The following ANGPTL5 variants were observed in gnomAD, a reference collection of about 807,000 sequenced individuals.
ANGPTL5 encodes the protein angiopoietin-related protein 5.
Under a neutral mutation model 39.4 loss-of-function variants are expected in ANGPTL5, and 34 were observed. The observed-to-expected ratio is 0.86, with a 90% CI of 0.66 to 1.15. The LOEUF (loss-of-function observed/expected upper bound fraction) is 1.15, where lower values mean the gene tolerates loss of function less well. Among genes scored for constraint, ANGPTL5 ranks in the 50% most tolerant of loss-of-function variants. The probability of loss-of-function intolerance (pLI) is 0.00; values close to 1 mark genes in which losing one functional copy is unlikely to be tolerated. For synonymous variants in ANGPTL5, 146 were observed against 152.1 expected (o/e 0.96, Z 0.29); for missense variants, 467 against 457.5 (o/e 1.02, Z -0.19).
At position 101,907,983 on chromosome 11, in the gene ANGPTL5, A is replaced by C; in HGVS notation, c.-74T>G. Reference sequence around the variant, plus strand: ...TTGTGGAAAGAACTACAGAGCATAGAGTCTTCAGTTAAAAACCTCTGGAAA... The same window carrying C: ...TTGTGGAAAGAACTACAGAGCATAGCGTCTTCAGTTAAAAACCTCTGGAAA... On this transcript the variant is annotated 5_prime_UTR_variant, in exon 2 of 9. Coordinates refer to ENST00000334289, the MANE Select transcript of ANGPTL5 (RefSeq NM_178127.5). 5 of 1,066,954 alleles carry C rather than the reference A, an allele frequency of 4.7e-6. No individual in the cohort carries two copies. In the South Asian group the frequency reaches 5.3e-5, roughly 11 times the overall value. The allele number at this position is 1,066,954 out of a possible 1,614,324, so 66.1% of individuals were successfully genotyped here. A position where few individuals can be genotyped will look rare whatever the true frequency, so the allele number is the denominator to read the frequency against.
At chr11:101,907,613 C>T (rs1940020903) in intron 2 of ANGPTL5, among the ~76,000 whole-genome samples, 1 of 151,966 alleles carries the variant, frequency 6.6e-6, no homozygotes, top group South Asian at 2.1e-4. Context: ...ATTTTCATAT[C>T]TGTTGAATCA....
intron 7 of ANGPTL5, among the ~76,000 whole-genome samples, chr11:101,896,953 C>A (rs575628719): frequency 1.7e-4 from 26 of 152,344 alleles, no homozygotes; most frequent in African/African-American, 5.8e-4. Flanking sequence ...AATGGTTGAA[C>A]TAATTTACAC....
At chr11:101,893,878 CTGTT>C (rs1301121017) in intron 8 of ANGPTL5, among the ~76,000 whole-genome samples, 9 of 152,282 alleles carry the variant, frequency 5.9e-5, no homozygotes, top group Non-Finnish European at 1.5e-5. Flanking sequence ...TTAAGCTGCT[CTGTT>C]TGTCAGCCTT....
intron 1 of ANGPTL5, chr11:101,915,066 A>G (rs1420448711): frequency 1.8e-6 from 1 of 562,276 alleles, no homozygotes; most frequent in Non-Finnish European, 3.0e-6. Context: ...CCCATCTGCT[A>G]TTGCCCGGCG....
chr11:101,892,813 T>G (rs1255696751), intron 8 of ANGPTL5, among the ~76,000 whole-genome samples: 1 of 152,216 alleles, frequency 6.6e-6, no homozygotes, highest in Non-Finnish European at 1.5e-5. Context: ...AAGTTTGGCA[T>G]CTCTTGAGAT....
chr11:101,903,716 A>G (rs1939948714), intron 5 of ANGPTL5, among the ~76,000 whole-genome samples: 1 of 152,116 alleles, frequency 6.6e-6, no homozygotes, highest in Non-Finnish European at 1.5e-5. Flanking sequence ...AGAGACATGA[A>G]AGAAGTTCAC....
At chr11:101,900,123 T>C (rs907227546) in intron 7 of ANGPTL5, among the ~76,000 whole-genome samples, 8 of 152,200 alleles carry the variant, frequency 5.3e-5, no homozygotes, top group African/African-American at 1.9e-4. Context: ...AGTTTTTCGT[T>C]CTGCAAACCG....
chr11:101,904,829 G>A lies in ANGPTL5; in HGVS notation c.424C>T (p.Pro142Ser), dbSNP rs774366365. ...RKQLDPFPHR[P>S]VQSHGLDCTD... is the part of the protein sequence containing the mutation. ...AAGTTCTCACCATGTGACTGAACAG[G>A]TCTGTGAGGAAAAGGATCCAGCTGT... The change falls in exon 5 of 9, where the codon CCT becomes TCT. Residue 142 changes from proline to serine, a missense_variant. By Grantham distance (74) the Pro-to-Ser change is moderately conservative. Transcript: ENST00000334289. The A allele has an allele frequency of 3.7e-6, 6 of 1,612,974 alleles. No individual in the cohort carries two copies. The South Asian group carries it at 5.5e-5, about 15-fold the overall frequency.
At chr11:101,901,330 C>A (rs541117359) in intron 6 of ANGPTL5, among the ~76,000 whole-genome samples, 1 of 151,936 alleles carries the variant, frequency 6.6e-6, no homozygotes, top group Admixed American at 6.5e-5. Context: ...GGTGTGTGTG[C>A]ACGGCTAAAT....
intron 8 of ANGPTL5, among the ~76,000 whole-genome samples, chr11:101,894,637 C>T (rs151087476): frequency 1.0e-3 from 159 of 152,276 alleles, no homozygotes; most frequent in African/African-American, 3.5e-3. Context: ...TCCAAAGAAT[C>T]AACTGAGATT....
At chr11:101,908,888 C>T (rs1940046230) in intron 1 of ANGPTL5, among the ~76,000 whole-genome samples, 2 of 151,598 alleles carry the variant, frequency 1.3e-5, no homozygotes, top group African/African-American at 4.9e-5. Flanking sequence ...TTCTGAACAT[C>T]AGAGAAATAA....
intron 5 of ANGPTL5, 46 bp downstream of exon 5, chr11:101,904,768 G>A: frequency 6.6e-7 from 1 of 1,516,036 alleles, no homozygotes; most frequent in Non-Finnish European, 9.2e-7. Flanking sequence ...AAAATTTTAA[G>A]CAATAAAAGA....
intron 1 of ANGPTL5, among the ~76,000 whole-genome samples, chr11:101,908,780 CA>C (rs59041644): frequency 0.081 from 5,260 of 64,980 alleles, 228 homozygotes; most frequent in African/African-American, 0.21. Flanking sequence ...GACTCCATCT[CA>C]AAAAAAAAAA....
chr11:101,900,851 T>C (rs1939881997), intron 6 of ANGPTL5, among the ~76,000 whole-genome samples: 1 of 151,968 alleles, frequency 6.6e-6, no homozygotes, highest in African/African-American at 2.4e-5. Flanking sequence ...TGCAGCTTTT[T>C]TTTCCCCCCT....
chr11:101,910,423 AAATATATATAT>A (rs1041379352), intron 1 of ANGPTL5, among the ~76,000 whole-genome samples: 2 of 137,000 alleles, frequency 1.5e-5, no homozygotes, highest in African/African-American at 5.5e-5. Context: ...AAAAAAAAAA[AAATATATATAT>A]ATATATATAT....
rs55980962 is a variant in ANGPTL5 at position 101,896,156 on chromosome 11, ATATTTATTTATTTATT to A, written c.662-1108_662-1093del. 2.5e-3 allele frequency among the ~76,000 whole-genome samples: 349 copies of A among 139,692 alleles called. 1 individual carries two copies. The highest frequency in any genetic ancestry group is 6.5e-3 in the African/African-American group (243 of 37,314). The allele number at this position is 139,692 out of a possible 152,430, so 91.6% of individuals were successfully genotyped here. On this transcript the variant is annotated intron_variant, in intron 7 of 8. Coordinates refer to ENST00000334289, the MANE Select transcript of ANGPTL5 (RefSeq NM_178127.5). The stretch of plus-strand genomic sequence containing the variant: ...TTAAAAATACATTTTCTGTAATCCT[ATATTTATTTATTTATT>A]TATTTATTTATTTATTTATTTATTT...
chr11:101,915,147 G>A, intron 1 of ANGPTL5: 2 of 1,341,202 alleles, frequency 1.5e-6, no homozygotes, highest in African/African-American at 1.5e-5. Context: ...TAGGGCTGTC[G>A]AGGCCAACCC....
Position 101,904,916 on chromosome 11 carries a change from A to G in ANGPTL5, c.346-9T>C. ...TTCATGAGCTCGTTAACCTAAACACATGCATACACATTTAAGTAAATTTAT... is the reference window on the plus strand; with the variant it reads ...TTCATGAGCTCGTTAACCTAAACACGTGCATACACATTTAAGTAAATTTAT... On this transcript the variant is annotated splice_polypyrimidine_tract_variant and intron_variant, in intron 4 of 8. Coordinates refer to ENST00000334289, the MANE Select transcript of ANGPTL5 (RefSeq NM_178127.5). The G allele has an allele frequency of 1.3e-6, 2 of 1,592,120 alleles. No homozygotes were observed. The highest frequency in any genetic ancestry group is 1.1e-5 in the South Asian group (1 of 90,658).
At chr11:101,902,116 C>A (rs976935897) in intron 6 of ANGPTL5, among the ~76,000 whole-genome samples, 16 of 151,934 alleles carry the variant, frequency 1.1e-4, no homozygotes, top group Admixed American at 6.6e-4. Flanking sequence ...CTGCCTTGTA[C>A]CCCACTGAAA....
Sources: gnomAD v4.1 joint callset for allele counts (sites outside exome capture counted in the v4.1 genomes callset) on GRCh38, gnomAD v4.1.1 for gene constraint, MANE v1.5 for transcripts, NCBI Gene and HGNC (gene_info 2026-07-23, HGNC 2026-07-21) for gene names.